The following ARL13A variants were observed in gnomAD, a reference collection of about 807,000 sequenced individuals.
ARL13A encodes ADP-ribosylation factor-like protein 13A.
In ARL13A, 16 loss-of-function variants were observed where a neutral mutation model predicts 19.1. That is an observed-to-expected ratio of 0.84 (90% CI 0.57 to 1.27). The LOEUF is 1.27. Ranked by LOEUF, ARL13A falls within the 50% of genes most tolerant of loss-of-function variation. The pLI, the probability that ARL13A is intolerant of heterozygous loss-of-function variation, is 0.00. For missense variants in ARL13A, 153 were observed against 186.4 expected, an observed-to-expected ratio of 0.82 and a Z score of 1.04; for synonymous variants, 69 against 71.3, an observed-to-expected ratio of 0.97 and a Z score of 0.17.
intron 3 of ARL13A, among the ~76,000 whole-genome samples, chrX:100,980,771 G>A (rs1206823822): frequency 1.8e-5 from 2 of 111,352 alleles, no homozygotes; most frequent in Admixed American, 1.9e-4. Flanking sequence ...TGCTTGGGAT[G>A]TTTACTAAAG....
intron 3 of ARL13A, among the ~76,000 whole-genome samples, chrX:100,984,258 C>T (rs2085904990): frequency 9.1e-6 from 1 of 109,853 alleles, no homozygotes; most frequent in African/African-American, 3.3e-5. Context: ...GGATTACAGG[C>T]GTGTGCCACC....
chrX:100,981,613 G>A (rs2085856421), intron 3 of ARL13A, among the ~76,000 whole-genome samples: 1 of 105,822 alleles, frequency 9.4e-6, no homozygotes, highest in Non-Finnish European at 1.9e-5. Flanking sequence ...AGACCAGCCT[G>A]GGCAACATGC....
chrX:100,983,075 C>G (rs769533368), intron 3 of ARL13A, among the ~76,000 whole-genome samples: 1 of 110,918 alleles, frequency 9.0e-6, no homozygotes, highest in East Asian at 2.8e-4. Context: ...TTATGAAACA[C>G]TCCACTAGGG....
chrX:100,974,436 T>C (rs2085730427), intron 3 of ARL13A, among the ~76,000 whole-genome samples: 1 of 109,669 alleles, frequency 9.1e-6, no homozygotes, highest in African/African-American at 3.3e-5. Flanking sequence ...GTTTATGTAA[T>C]GTCTGTCACC....
intron 3 of ARL13A, among the ~76,000 whole-genome samples, chrX:100,978,747 GT>G (rs2085807667): frequency 9.1e-6 from 1 of 110,133 alleles, no homozygotes; most frequent in South Asian, 3.8e-4. Context: ...CTTTCTGGTT[GT>G]TTTTTGGTCT....
intron 3 of ARL13A, among the ~76,000 whole-genome samples, chrX:100,975,457 G>A (rs887074685): frequency 1.8e-5 from 2 of 111,306 alleles, no homozygotes; most frequent in Non-Finnish European, 3.8e-5. Context: ...GCAATTGCAA[G>A]TCCATCCCCT....
chrX:100,973,882 G>A, intron 2 of ARL13A, 134 bp downstream of exon 2: 2 of 750,306 alleles, frequency 2.7e-6, no homozygotes, highest in Non-Finnish European at 3.9e-6. Flanking sequence ...TAAGATTGGG[G>A]GCAGGGTTGA....
Position 100,987,553 on chromosome X carries a change from A to C in ARL13A, c.650A>C (p.His217Pro), listed in dbSNP as rs753011939. The C allele has an allele frequency of 1.8e-5, 22 of 1,207,850 alleles. No individual in the cohort carries two copies. The highest frequency in any genetic ancestry group is 2.2e-6 in the Non-Finnish European group (2 of 894,620). Residue 217 changes from histidine to proline, a missense_variant, in exon 6 of 8, where the codon CAC (histidine) becomes CCC (proline). By Grantham distance (77) the His-to-Pro change is moderately conservative (BLOSUM62 -2). Coordinates refer to ENST00000450049, the MANE Select transcript of ARL13A (RefSeq NM_001162491.2). ...NTGSGERCSS[H>P]SFSTRTGMSK... The stretch of plus-strand genomic sequence containing the variant: ...GGCTCTGGAGAAAGATGCTCATCAC[A>C]CAGGTACTGAGATGCCGCTATGAGA...
chrX:100,989,283 G>T (rs1423918695), intron 7 of ARL13A, among the ~76,000 whole-genome samples: 1 of 111,210 alleles, frequency 9.0e-6, no homozygotes, highest in East Asian at 2.8e-4. Context: ...AAAAGGCCAA[G>T]GTGCCTTTCC....
intron 7 of ARL13A, among the ~76,000 whole-genome samples, chrX:100,988,860 A>ATATCT (rs1214058276): frequency 2.0e-4 from 20 of 98,747 alleles, no homozygotes; most frequent in African/African-American, 7.5e-4. Flanking sequence ...TCATATATAT[A>ATATCT]TATATATATA....
At chrX:100,973,490 G>A (rs999603399) in intron 1 of ARL13A, among the ~76,000 whole-genome samples, 186 bp from the exon 2 acceptor site, 4 of 110,111 alleles carry the variant, frequency 3.6e-5, no homozygotes, top group African/African-American at 6.6e-5. Flanking sequence ...CCATCCTCCC[G>A]GCGGTCGGGC....
chrX:100,984,049 C>G (rs1465591085), intron 3 of ARL13A, among the ~76,000 whole-genome samples: 1 of 110,378 alleles, frequency 9.1e-6, no homozygotes, highest in African/African-American at 3.3e-5. Context: ...CTAGAACGGT[C>G]AGTTCAACAG....
chrX:100,984,858 C>G (rs777038687), intron 3 of ARL13A, among the ~76,000 whole-genome samples: 1 of 112,190 alleles, frequency 8.9e-6, no homozygotes, highest in Non-Finnish European at 1.9e-5. Flanking sequence ...TTCATTCATT[C>G]ATTTATCAGA....
At chrX:100,989,059 T>G (rs1369786986) in intron 7 of ARL13A, among the ~76,000 whole-genome samples, 1 of 109,369 alleles carries the variant, frequency 9.1e-6, no homozygotes, top group Non-Finnish European at 1.9e-5. Flanking sequence ...AATGGCTAAA[T>G]AAATTAGGAT....
Position 100,990,640 on chromosome X carries a change from T to C in ARL13A, c.*52T>C. 1 of 1,086,352 alleles carries C rather than the reference T, an allele frequency of 9.2e-7. No homozygotes were observed. The highest frequency in any genetic ancestry group is 2.4e-4 in the Middle Eastern group (1 of 4,143). 89.5% of individuals were successfully genotyped at this position (1,086,352 alleles called of 1,213,427 possible). On this transcript the variant is annotated 3_prime_UTR_variant, in exon 8 of 8. Transcript: ENST00000450049. ...CCATTGAGAATGAAGACCACCTTGG[T>C]AAAAAAGAACAGAGACTTTACATCT...
intron 1 of ARL13A, among the ~76,000 whole-genome samples, 184 bp from the exon 2 acceptor site, chrX:100,973,492 C>T (rs961019239): frequency 2.7e-5 from 3 of 110,421 alleles, no homozygotes; most frequent in Non-Finnish European, 5.7e-5. Context: ...ATCCTCCCGG[C>T]GGTCGGGCGG....
At chrX:100,989,699 G>C (rs1284446176) in intron 7 of ARL13A, among the ~76,000 whole-genome samples, 1 of 112,095 alleles carries the variant, frequency 8.9e-6, no homozygotes, top group Admixed American at 9.5e-5. Context: ...CTTAAAGGCT[G>C]TAGTTACTGG....
At chrX:100,980,537 A>G (rs1486536470) in intron 3 of ARL13A, among the ~76,000 whole-genome samples, 2 of 108,722 alleles carry the variant, frequency 1.8e-5, no homozygotes, top group Non-Finnish European at 3.8e-5. Context: ...CCAGGAGCTA[A>G]GGCCTGGAAT....
At chrX:100,984,429 G>A (rs1201905501) in intron 3 of ARL13A, among the ~76,000 whole-genome samples, 2 of 111,555 alleles carry the variant, frequency 1.8e-5, no homozygotes, top group African/African-American at 6.5e-5. Context: ...GCGAGCCACC[G>A]TGCCCAGCCA....
Sources: gnomAD v4.1 joint callset for allele counts (sites outside exome capture counted in the v4.1 genomes callset) on GRCh38, gnomAD v4.1.1 for gene constraint, MANE v1.5 for transcripts, NCBI Gene and HGNC (gene_info 2026-07-23, HGNC 2026-07-21) for gene names.